SMARCAD1: variants seen among roughly 807,000 people sequenced by gnomAD.
The protein encoded by SMARCAD1 is SWI/SNF-related matrix-associated actin-dependent regulator of chromatin subfamily A containing DEAD/H box 1.
In SMARCAD1, 25 loss-of-function variants were observed where a neutral mutation model predicts 127.1. That is an observed-to-expected ratio of 0.20 (90% CI 0.14 to 0.27). SMARCAD1 has a LOEUF of 0.27. Ranked by LOEUF, SMARCAD1 falls within the 10% of genes least tolerant of loss-of-function variation. The pLI is 1.00. For synonymous variants in SMARCAD1, 400 were observed against 396.9 expected (o/e 1.01, Z -0.09); for missense variants, 807 against 1,206.0 (o/e 0.67, Z 4.90).
Position 94,278,716 on chromosome 4 carries a change from A to G in SMARCAD1, c.2279A>G (p.Lys760Arg), listed in dbSNP as rs1426748985. Residue 760 changes from lysine (K) to arginine (R), a missense_variant, in exon 18 of 24, where the codon AAA (lysine) becomes AGA (arginine). By Grantham distance (26) the Lys-to-Arg change is conservative. Around this residue, in one of 8 missense-constraint regions of SMARCAD1, gnomAD observed 99 missense variants for 126.0 expected, o/e 0.79. Transcript: ENST00000354268. ...LYLGLFNRLK[K>R]SINNLEKNTE... ...TTGGGTCTTTTCAACAGATTGAAAA[A>G]ATCTATCAATAACTTGGGTATAATC... is the stretch of plus-strand genomic sequence containing the variant. The G allele has an allele frequency of 6.2e-7, 1 of 1,613,838 alleles. No homozygotes were observed. Among genetic ancestry groups the G allele is most frequent in the East Asian group, 2.2e-5 (1 of 44,836 alleles).
intron 11 of SMARCAD1, among the ~76,000 whole-genome samples, chr4:94,273,404 C>T (rs558769306): frequency 6.6e-6 from 1 of 152,226 alleles, no homozygotes; most frequent in African/African-American, 2.4e-5. Flanking sequence ...AAGATCTATC[C>T]ACTGCTCAGT....
At chr4:94,216,949 A>C (rs987672104) in intron 2 of SMARCAD1, among the ~76,000 whole-genome samples, 2 of 152,190 alleles carry the variant, frequency 1.3e-5, no homozygotes, top group Non-Finnish European at 2.9e-5. Flanking sequence ...TATACCCAGA[A>C]GTGGTATTGC....
At chr4:94,212,284 C>G (rs1201265590) in intron 2 of SMARCAD1, among the ~76,000 whole-genome samples, 3 of 151,976 alleles carry the variant, frequency 2.0e-5, no homozygotes, top group Admixed American at 6.6e-5. Flanking sequence ...AAGTGATTCT[C>G]ATACCTCAGC....
chr4:94,254,411 T>A (rs1749744325), intron 9 of SMARCAD1, among the ~76,000 whole-genome samples: 1 of 152,202 alleles, frequency 6.6e-6, no homozygotes, highest in African/African-American at 2.4e-5. Flanking sequence ...TTATCTGCAC[T>A]AGTTTGTTTA....
intron 3 of SMARCAD1, 151 bp from the exon 4 acceptor site, chr4:94,233,803 A>T: frequency 1.2e-6 from 1 of 821,906 alleles, no homozygotes; most frequent in Non-Finnish European, 1.9e-6. Flanking sequence ...CTGAAATGGA[A>T]AAAAAAGGTC....
chr4:94,216,455 T>C (rs564906475), intron 2 of SMARCAD1, among the ~76,000 whole-genome samples: 6 of 152,308 alleles, frequency 3.9e-5, no homozygotes, highest in Admixed American at 3.9e-4. Context: ...ATTTTAAAAA[T>C]TATGATAAAA....
intron 9 of SMARCAD1, among the ~76,000 whole-genome samples, chr4:94,256,669 T>G (rs1326030051): frequency 5.9e-5 from 9 of 152,274 alleles, no homozygotes; most frequent in Middle Eastern, 6.8e-3. Context: ...GGTCCTTTGC[T>G]TTGTTTAACT....
At chr4:94,222,517 C>T (rs186202907) in intron 2 of SMARCAD1, among the ~76,000 whole-genome samples, 32 of 149,354 alleles carry the variant, frequency 2.1e-4, no homozygotes, top group African/African-American at 7.9e-4. Context: ...TGGTTCAGTA[C>T]AGTCTGCATG....
At chr4:94,249,783 CAG>C (rs1748999443) in intron 7 of SMARCAD1, 28 bp downstream of exon 7, 1 of 1,215,058 alleles carries the variant, frequency 8.2e-7, no homozygotes, top group East Asian at 2.3e-5. Flanking sequence ...AAAATTTAAT[CAG>C]TGTGTACTAA....
Position 94,274,731 on chromosome 4 carries a change from T to A in SMARCAD1, c.1673-7T>A. On this transcript the variant is annotated splice_region_variant and splice_polypyrimidine_tract_variant and intron_variant, in intron 12 of 23. Coordinates refer to ENST00000354268, the MANE Select transcript of SMARCAD1 (RefSeq NM_020159.5). Reference sequence around the variant, plus strand: ...CAGATGCAAATAATGTCTCTTCTGTTCCATAGATAACTGGTTAAGGGAAGT... The same window carrying A: ...CAGATGCAAATAATGTCTCTTCTGTACCATAGATAACTGGTTAAGGGAAGT... The A allele has an allele frequency of 6.2e-7, 1 of 1,613,154 alleles. No individual in the cohort carries two copies. Among genetic ancestry groups the A allele is most frequent in the Non-Finnish European group, 8.5e-7 (1 of 1,179,126 alleles).
chr4:94,244,461 G>A (rs1748092228), intron 6 of SMARCAD1, among the ~76,000 whole-genome samples: 1 of 152,164 alleles, frequency 6.6e-6, no homozygotes, highest in African/African-American at 2.4e-5. Context: ...ACAAATATCT[G>A]TTATGAACGC....
At chr4:94,288,800 A>G (rs754423097) in intron 23 of SMARCAD1, among the ~76,000 whole-genome samples, 1 of 152,240 alleles carries the variant, frequency 6.6e-6, no homozygotes, top group African/African-American at 2.4e-5. Flanking sequence ...AAATTAATCA[A>G]CTCATCTCAA....
At chr4:94,214,410 C>A (rs1014465508) in intron 2 of SMARCAD1, among the ~76,000 whole-genome samples, 1 of 149,684 alleles carries the variant, frequency 6.7e-6, no homozygotes. Context: ...TACAGGTGCC[C>A]GCCACCACGC....
At chr4:94,234,264 C>A in intron 4 of SMARCAD1, 142 bp downstream of exon 4, 1 of 770,984 alleles carries the variant, frequency 1.3e-6, no homozygotes, top group Admixed American at 2.8e-5. Flanking sequence ...GAAGTAAATG[C>A]CAGACATTTA....
At chr4:94,218,266 TTTAA>T (rs944445733) in intron 2 of SMARCAD1, among the ~76,000 whole-genome samples, 9 of 152,086 alleles carry the variant, frequency 5.9e-5, no homozygotes, top group Admixed American at 4.6e-4. Flanking sequence ...TCCTTTATGT[TTTAA>T]TTAATTAATT....
chr4:94,262,147 T>G (rs1751087681), intron 9 of SMARCAD1, among the ~76,000 whole-genome samples: 1 of 152,202 alleles, frequency 6.6e-6, no homozygotes, highest in African/African-American at 2.4e-5. Context: ...GGCATCTTTT[T>G]CTCCAGCTTA....
chr4:94,234,429 A>T (rs1746320924), intron 4 of SMARCAD1, among the ~76,000 whole-genome samples: 1 of 152,162 alleles, frequency 6.6e-6, no homozygotes, highest in Non-Finnish European at 1.5e-5. Context: ...AAATACTCAG[A>T]AATGTCAGGA....
intron 2 of SMARCAD1, among the ~76,000 whole-genome samples, chr4:94,210,870 GT>G (rs1742108394): frequency 6.9e-6 from 1 of 144,366 alleles, no homozygotes; most frequent in Admixed American, 7.1e-5. Context: ...GGAGGCAGAG[GT>G]TGCAGTGAGC....
chr4:94,290,540 A>G lies in SMARCAD1; in HGVS notation c.*1006A>G, dbSNP rs749367981. The G allele has an allele frequency of 8.8e-6, 4 of 454,488 alleles. No homozygotes were observed. The highest frequency in any genetic ancestry group is 1.3e-5 in the Non-Finnish European group (3 of 226,748). 28.2% of individuals were successfully genotyped at this position (454,488 alleles called of 1,614,324 possible). The stretch of plus-strand genomic sequence containing the variant: ...AATAGGTCATTAACTTGAAACTCTT[A>G]TCAAAATATATTTTACCAGTTTCCA... On this transcript the variant is annotated 3_prime_UTR_variant, in exon 24 of 24. Transcript: ENST00000354268.
Sources: allele counts gnomAD v4.1 joint callset (sites outside exome capture counted in the v4.1 genomes callset), GRCh38; gene constraint gnomAD v4.1.1; regional missense constraint gnomAD v4.1.1; transcripts MANE v1.5; gene names NCBI Gene and HGNC (gene_info 2026-07-23, HGNC 2026-07-21).